Variants in PPHLN1 observed in about 807,000 individuals in gnomAD.
PPHLN1 encodes the protein periphilin-1.
PPHLN1 carries 29 observed loss-of-function variants against 51.3 expected under a neutral mutation model. The observed-to-expected ratio is 0.57, with a 90% CI of 0.42 to 0.77. The LOEUF is 0.77. Ranked by LOEUF, PPHLN1 falls within the 30% of genes least tolerant of loss-of-function variation. PPHLN1 has a pLI of 0.00. For missense variants in PPHLN1, 436 were observed against 438.4 expected (o/e 0.99, Z 0.05); for synonymous variants, 147 against 147.8 (o/e 0.99, Z 0.04).
intron 2 of PPHLN1, among the ~76,000 whole-genome samples, chr12:42,337,913 A>T (rs2137848365): frequency 6.6e-6 from 1 of 151,420 alleles, no homozygotes; most frequent in Non-Finnish European, 1.5e-5. Context: ...CCTCCTGAGT[A>T]GCTGGGACTA....
At chr12:42,346,132 A>G (rs1160037008) in intron 2 of PPHLN1, among the ~76,000 whole-genome samples, 5 of 152,144 alleles carry the variant, frequency 3.3e-5, no homozygotes, top group Non-Finnish European at 7.4e-5. Flanking sequence ...TTCTAATGCA[A>G]TACAATTTTA....
chr12:42,342,111 A>G (rs2071599792), intron 2 of PPHLN1, among the ~76,000 whole-genome samples: 1 of 152,148 alleles, frequency 6.6e-6, no homozygotes, highest in African/African-American at 2.4e-5. Flanking sequence ...GAATATCTAC[A>G]CTTCTAGGTA....
chr12:42,339,028 CAG>C (rs1339995126), intron 2 of PPHLN1, among the ~76,000 whole-genome samples: 1 of 152,142 alleles, frequency 6.6e-6, no homozygotes, highest in African/African-American at 2.4e-5. Flanking sequence ...AAATATGAAA[CAG>C]AGGCTTCTTA....
At chr12:42,336,044 G>T in intron 2 of PPHLN1, 70 bp downstream of exon 2, 1 of 992,976 alleles carries the variant, frequency 1.0e-6, no homozygotes, top group Non-Finnish European at 1.4e-6. Context: ...ACCAAAGCTA[G>T]GCCTATTAAC....
rs964606283 is a variant in PPHLN1, at chr12:42,335,630, A to G, written c.-20-253A>G. Among the ~76,000 whole-genome samples, 13 of 151,536 alleles carry G rather than the reference A, an allele frequency of 8.6e-5. No homozygotes were observed. In the South Asian group the frequency reaches 2.7e-3, roughly 31 times the overall value. ...CAATTTCCTCCCATAATTGATGGCA[A>G]CAATCTCTTTGAAGCTTTAAATAGT... On this transcript the variant is annotated intron_variant, in intron 1 of 9. Transcript: ENST00000358314.
chr12:42,433,234 C>CT, intron 9 of PPHLN1: 1 of 740,150 alleles, frequency 1.4e-6, no homozygotes, highest in Non-Finnish European at 2.5e-6. Context: ...CTTGAATATA[C>CT]CTCTACTTCA....
intron 2 of PPHLN1, among the ~76,000 whole-genome samples, chr12:42,340,311 CAA>C (rs201722204): frequency 6.2e-4 from 48 of 77,404 alleles, no homozygotes; most frequent in Non-Finnish European, 5.1e-4. Flanking sequence ...GATCCTGTCT[CAA>C]AAAAAAAAAA....
intron 9 of PPHLN1, among the ~76,000 whole-genome samples, chr12:42,408,989 G>A (rs1415561051): frequency 6.6e-6 from 1 of 152,024 alleles, no homozygotes. Flanking sequence ...TTAAGATAAA[G>A]TTTAATTTAT....
chr12:42,387,911 G>A (rs145731211), intron 7 of PPHLN1, among the ~76,000 whole-genome samples: 4,192 of 152,324 alleles, frequency 0.028, 71 homozygotes, highest in South Asian at 0.052. Flanking sequence ...ATCTAGGGCT[G>A]TGCAGGATGT....
intron 5 of PPHLN1, among the ~76,000 whole-genome samples, chr12:42,381,709 G>T (rs1435632959): frequency 6.6e-6 from 1 of 152,146 alleles, no homozygotes; most frequent in African/African-American, 2.4e-5. Context: ...TGAGAAACAT[G>T]TTCTTCCTAA....
In PPHLN1 at chr12:42,339,204, T is replaced by C. The variant is rs78656118; in HGVS notation, c.72+3230T>C. On this transcript the variant is annotated intron_variant, in intron 2 of 9. Coordinates refer to ENST00000358314, the MANE Select transcript of PPHLN1 (RefSeq NM_201439.2). The stretch of plus-strand genomic sequence containing the variant: ...CATGGAGGAGCCTAGATTGTTTTTC[T>C]CTTTTTGAGAGCACAGGACCTGACC... Among the ~76,000 whole-genome samples the C allele has an allele frequency of 5.1e-3, 771 of 152,340 alleles. 2 individuals carry two copies. The highest frequency in any genetic ancestry group is 0.018 in the African/African-American group (736 of 41,578).
At chr12:42,426,933 G>A (rs1049250621) in intron 9 of PPHLN1, among the ~76,000 whole-genome samples, 2 of 152,194 alleles carry the variant, frequency 1.3e-5, no homozygotes, top group Non-Finnish European at 2.9e-5. Flanking sequence ...TCTTGAAATA[G>A]CTAAGCTGCT....
intron 5 of PPHLN1, among the ~76,000 whole-genome samples, chr12:42,383,910 G>A (rs908041383): frequency 1.3e-5 from 2 of 150,842 alleles, no homozygotes; most frequent in Non-Finnish European, 2.9e-5. Flanking sequence ...CTTGAACCCG[G>A]GGGGCGGAGG....
Position 42,384,921 on chromosome 12 carries a change from C to T in PPHLN1, c.512-19C>T, listed in dbSNP as rs1249401192. The T allele has an allele frequency of 1.3e-6, 2 of 1,593,564 alleles. No individual in the cohort carries two copies. The highest frequency in any genetic ancestry group is 1.7e-6 in the Non-Finnish European group (2 of 1,161,364). ...ACAGAGGTGCTGCTGTTAATTCCTC[C>T]CTGCCCACCTTTCCATAGAGTCCGT... On this transcript the variant is annotated intron_variant, in intron 5 of 9. Transcript: ENST00000358314.
intron 1 of PPHLN1, among the ~76,000 whole-genome samples, chr12:42,328,598 A>G (rs1471186850): frequency 1.3e-5 from 2 of 152,276 alleles, no homozygotes; most frequent in East Asian, 3.8e-4. Context: ...ATAATGGACA[A>G]TCAGGGATCT....
intron 9 of PPHLN1, among the ~76,000 whole-genome samples, chr12:42,400,694 G>T (rs1386008658): frequency 2.0e-5 from 3 of 151,584 alleles, no homozygotes; most frequent in African/African-American, 7.3e-5. Flanking sequence ...AAAAGGAGAG[G>T]TTCTCTTAAG....
At chr12:42,370,348 G>A (rs751438375) in intron 4 of PPHLN1, among the ~76,000 whole-genome samples, 2 of 152,094 alleles carry the variant, frequency 1.3e-5, no homozygotes, top group Non-Finnish European at 2.9e-5. Context: ...TTGCCCCAGA[G>A]GATCAGTAAA....
chr12:42,396,812 G>C (rs1168785558), intron 8 of PPHLN1, among the ~76,000 whole-genome samples: 1 of 149,994 alleles, frequency 6.7e-6, no homozygotes, highest in Non-Finnish European at 1.5e-5. Context: ...AATGGGGACA[G>C]CGGGGCAGGT....
At chr12:42,356,066 G>A (rs1247412497) in intron 4 of PPHLN1, among the ~76,000 whole-genome samples, 1 of 152,178 alleles carries the variant, frequency 6.6e-6, no homozygotes, top group Non-Finnish European at 1.5e-5. Context: ...CATTTAAATT[G>A]ATTGATAGTT....
Sources: allele counts gnomAD v4.1 joint callset (sites outside exome capture counted in the v4.1 genomes callset), GRCh38; gene constraint gnomAD v4.1.1; transcripts MANE v1.5; gene names NCBI Gene and HGNC (gene_info 2026-07-23, HGNC 2026-07-21).